Variants in GMFG observed in about 807,000 individuals in gnomAD.
GMFG encodes the protein glia maturation factor gamma.
In GMFG, 21 loss-of-function variants were observed where a neutral mutation model predicts 26.1. The observed-to-expected ratio is 0.80, with a 90% CI of 0.57 to 1.16. The LOEUF (loss-of-function observed/expected upper bound fraction) is 1.16. GMFG is among the 50% of genes most tolerant of loss of function. GMFG has a pLI of 0.00. For missense variants in GMFG, 161 were observed against 178.3 expected (o/e 0.90, Z 0.55); for synonymous variants, 65 against 60.8 (o/e 1.07, Z -0.32).
intron 4 of GMFG, among the ~76,000 whole-genome samples, chr19:39,331,705 T>C (rs190888171): frequency 1.3e-5 from 2 of 151,960 alleles, no homozygotes; most frequent in Admixed American, 1.3e-4. Context: ...AGCCCAGGAG[T>C]TAGAGGCTAC....
chr19:39,329,031 T>G lies in GMFG; in HGVS notation c.326A>C (p.Asn109Thr). ...EQQMMYAGSK[N>T]RLVQTAELTK... ...GAGCTCTGCTGTCTGCACCAGCCTG[T>G]TTTTACTCCCTGCATACATCATCTG... Residue 109 changes from asparagine (N) to threonine (T), a missense_variant, in exon 6 of 7, where the codon AAC (asparagine) becomes ACC (threonine). Coordinates refer to ENST00000597595, the MANE Select transcript of GMFG (RefSeq NM_004877.4). The G allele has an allele frequency of 1.2e-6, 2 of 1,613,614 alleles. No individual in the cohort carries two copies. Among genetic ancestry groups the G allele is most frequent in the Non-Finnish European group, 1.7e-6 (2 of 1,179,564 alleles).
Position 39,333,078 on chromosome 19 carries a change from T to C in GMFG, c.199A>G (p.Arg67Gly). Residue 67 changes from arginine (R) to glycine (G), a missense_variant and splice_region_variant, in exon 4 of 7, where the codon AGG (arginine) becomes GGG (glycine). Physicochemically the swap from Arg to Gly is moderately radical, Grantham distance 125. Transcript: ENST00000597595. ...LKMELPERQPRFVVYSYKYVH... is the reference protein window; with the variant it reads ...LKMELPERQPGFVVYSYKYVH... ...CAACCCTTTCTTCCCCCAGGATACC[T>C]GGGCTGTCTCTCCGGCAACTCCATT... The C allele has an allele frequency of 6.3e-7, 1 of 1,597,276 alleles. No homozygotes were observed. Among genetic ancestry groups the C allele is most frequent in the Non-Finnish European group, 8.6e-7 (1 of 1,167,510 alleles).
At chr19:39,333,637 C>T (rs933526110) in intron 3 of GMFG, among the ~76,000 whole-genome samples, 3 of 151,522 alleles carry the variant, frequency 2.0e-5, no homozygotes, top group African/African-American at 4.9e-5. Context: ...TACCATGTGC[C>T]AAGGCATCGT....
intron 2 of GMFG, 46 bp from the exon 3 acceptor site, chr19:39,335,356 T>C (rs769138372): frequency 4.4e-6 from 7 of 1,582,158 alleles, no homozygotes; most frequent in African/African-American, 1.3e-5. Context: ...CCCTGATCCA[T>C]GGGGGACACA....
Position 39,335,651 on chromosome 19 carries a change from G to C in GMFG, c.4-120C>G, listed in dbSNP as rs911839239. The C allele has an allele frequency of 5.3e-6, 4 of 758,320 alleles. No homozygotes were observed. The African/African-American group carries it at 6.9e-5, about 13-fold the overall frequency. 47.0% of individuals were successfully genotyped at this position (758,320 alleles called of 1,614,324 possible). On this transcript the variant is annotated intron_variant, in intron 1 of 6. Coordinates refer to ENST00000597595, the MANE Select transcript of GMFG (RefSeq NM_004877.4). ...TCGCGCCGGCCCATCTGATGCCTTT[G>C]TGAACATTGAGAAAAGGCACCCTTC...
At chr19:39,332,920 A>G (rs2075232692) in intron 4 of GMFG, 157 bp downstream of exon 4, 1 of 477,360 alleles carries the variant, frequency 2.1e-6, no homozygotes, top group Non-Finnish European at 3.9e-6. Flanking sequence ...TGACCTCCCA[A>G]AGTGCTGGGA....
At chr19:39,335,932 AC>A in intron 1 of GMFG, 41 bp downstream of exon 1, 1 of 1,403,094 alleles carries the variant, frequency 7.1e-7, no homozygotes, top group Non-Finnish European at 1.0e-6. Flanking sequence ...CCCAGCCCCA[AC>A]CCCAGCCCCA....
chr19:39,333,991 CTT>C (rs752249412), intron 3 of GMFG, among the ~76,000 whole-genome samples: 6 of 128,944 alleles, frequency 4.7e-5, no homozygotes, highest in Admixed American at 7.7e-5. Context: ...GGTCTACCCC[CTT>C]TTTTTTTTTT....
chr19:39,331,153 T>C (rs924056590), intron 4 of GMFG, among the ~76,000 whole-genome samples: 1 of 152,150 alleles, frequency 6.6e-6, no homozygotes, highest in Non-Finnish European at 1.5e-5. Flanking sequence ...GGGTGCCTTC[T>C]GGACCCTGAC....
chr19:39,335,171 C>T, intron 3 of GMFG, 90 bp downstream of exon 3: 1 of 1,027,668 alleles, frequency 9.7e-7, no homozygotes, highest in Non-Finnish European at 1.4e-6. Flanking sequence ...TCTTTCTACC[C>T]CCATGCCAGG....
At position 39,328,384 on chromosome 19, in the gene GMFG, A is replaced by G; in HGVS notation, c.*93T>C. 1.2e-6 allele frequency: 1 copy of G among 831,086 alleles called. No individual in the cohort carries two copies. Among genetic ancestry groups the G allele is most frequent in the Non-Finnish European group, 2.1e-6 (1 of 484,898 alleles). The allele number at this position is 831,086 out of a possible 1,614,324, so 51.5% of individuals were successfully genotyped here. A position where few individuals can be genotyped will look rare whatever the true frequency, so the allele number is the denominator to read the frequency against. On this transcript the variant is annotated 3_prime_UTR_variant, in exon 7 of 7. Coordinates refer to ENST00000597595, the MANE Select transcript of GMFG (RefSeq NM_004877.4). ...TCCGAGTTTTTGCATTTTAAAATTT[A>G]TTTAAAGTCTTGGTTGTTCAGGTCC... is the stretch of plus-strand genomic sequence containing the variant.
chr19:39,335,959 C>T lies in GMFG; in HGVS notation c.3+15G>A. 6.5e-7 allele frequency: 1 copy of T among 1,548,872 alleles called. No individual in the cohort carries two copies. Among genetic ancestry groups the T allele is most frequent in the Non-Finnish European group, 8.9e-7 (1 of 1,120,798 alleles). ...CCCAGCCCCAGCTCTTCCCATAGAA[C>T]CCCTGGCCCCTGACCATGATTGTTC... On this transcript the variant is annotated intron_variant, in intron 1 of 6. Transcript: ENST00000597595.
In GMFG at chr19:39,332,262, G is replaced by A. The variant is rs928930049; in HGVS notation, c.200+815C>T. On this transcript the variant is annotated intron_variant, in intron 4 of 6. Transcript: ENST00000597595. The stretch of plus-strand genomic sequence containing the variant: ...AGAGAATCGCTTGAACCCAGGAGGC[G>A]GAGGTTGCAGTGAGTCAAGATCGCG... Among the ~76,000 whole-genome samples the A allele has an allele frequency of 1.4e-4, 21 of 151,634 alleles. 1 individual carries two copies. The South Asian group carries it at 1.9e-3, about 14-fold the overall frequency.
chr19:39,329,302 G>A (rs1410701488), intron 5 of GMFG, among the ~76,000 whole-genome samples: 1 of 152,140 alleles, frequency 6.6e-6, no homozygotes, highest in Non-Finnish European at 1.5e-5. Flanking sequence ...AAAGGAAAAG[G>A]TGGGTTGGCT....
At chr19:39,328,879 T>C (rs1489914375) in intron 6 of GMFG, 121 bp downstream of exon 6, 4 of 782,344 alleles carry the variant, frequency 5.1e-6, no homozygotes, top group African/African-American at 1.8e-5. Context: ...CCCAGTTCTT[T>C]AAAAAAACAA....
Position 39,335,960 on chromosome 19 carries a change from C to T in GMFG, c.3+14G>A, listed in dbSNP as rs200197105. ...CCAGCCCCAGCTCTTCCCATAGAAC[C>T]CCTGGCCCCTGACCATGATTGTTCT... On this transcript the variant is annotated intron_variant, in intron 1 of 6. Coordinates refer to ENST00000597595, the MANE Select transcript of GMFG (RefSeq NM_004877.4). The T allele has an allele frequency of 1.2e-4, 189 of 1,575,924 alleles. No individual in the cohort carries two copies. In the East Asian group the frequency reaches 4.1e-3, roughly 35 times the overall value.
At chr19:39,328,831 T>C (rs954668305) in intron 6 of GMFG, 169 bp downstream of exon 6, 7 of 643,090 alleles carry the variant, frequency 1.1e-5, no homozygotes, top group East Asian at 5.4e-5. Flanking sequence ...TGAGCCGAGG[T>C]TGTGCCACTG....
chr19:39,328,543 G>A lies in GMFG; in HGVS notation c.363C>T (p.Phe121=), dbSNP rs776655324. The stretch of plus-strand genomic sequence containing the variant: ...TGAGGTCATCAGTGGTGCGGATTTC[G>A]AACACCTGGGCAGAGAGAGGTCTCG... ...LVQTAELTKV[F]EIRTTDDLTE... The change falls in exon 7 of 7, where the codon TTC becomes TTT. Residue 121 remains phenylalanine, a synonymous_variant. Transcript: ENST00000597595. 5.0e-6 allele frequency: 8 copies of A among 1,610,648 alleles called. No individual in the cohort carries two copies. Among genetic ancestry groups the A allele is most frequent in the African/African-American group, 4.0e-5 (3 of 74,928 alleles).
intron 4 of GMFG, 72 bp downstream of exon 4, chr19:39,333,005 T>G: frequency 1.0e-6 from 1 of 992,252 alleles, no homozygotes. Flanking sequence ...ACTCCAGCAG[T>G]CCCTTAGCCT....
Sources: allele counts gnomAD v4.1 joint callset (sites outside exome capture counted in the v4.1 genomes callset), GRCh38; gene constraint gnomAD v4.1.1; transcripts MANE v1.5; gene names NCBI Gene and HGNC (gene_info 2026-07-23, HGNC 2026-07-21).